Variants in PLPPR3 observed in about 807,000 individuals in gnomAD.
PLPPR3 encodes the protein phospholipid phosphatase-related protein type 3.
PLPPR3 carries 14 observed loss-of-function variants against 27.3 expected under a neutral mutation model. The ratio of observed to expected loss-of-function variants is 0.51; its 90% CI spans 0.34 to 0.80. The LOEUF (loss-of-function observed/expected upper bound fraction) is 0.80, where lower values mean the gene tolerates loss of function less well. PLPPR3 is among the 30% of genes least tolerant of loss of function. The pLI is 0.01. For synonymous variants in PLPPR3, 671 were observed against 508.0 expected, an observed-to-expected ratio of 1.32 and a Z score of -4.32; for missense variants, 1,287 against 1,056.9, an observed-to-expected ratio of 1.22 and a Z score of -3.02.
chr19:823,448 A>AAAAAAACAAC (rs1002529007), upstream of PLPPR3, among the ~76,000 whole-genome samples: 35 of 140,622 alleles, frequency 2.5e-4, no homozygotes, highest in Non-Finnish European at 4.7e-4. Context: ...TCTCAAAAAA[A>AAAAAAACAAC]AAAAAAAAAA....
intron 2 of PLPPR3, among the ~76,000 whole-genome samples, chr19:817,853 T>C (rs1399386732): frequency 2.0e-5 from 3 of 152,164 alleles, no homozygotes. Flanking sequence ...CCACCCACTT[T>C]AACCTGTGGG....
At chr19:817,315 G>A (rs750774707) in intron 2 of PLPPR3, among the ~76,000 whole-genome samples, 7 of 150,812 alleles carry the variant, frequency 4.6e-5, no homozygotes, top group Non-Finnish European at 7.4e-5. Context: ...ACTCTGTCAC[G>A]CAGCCTGGAG....
In PLPPR3 at chr19:821,549, G is replaced by C. The variant is rs972838386; in HGVS notation, c.11C>G (p.Thr4Ser). The C allele has an allele frequency of 1.3e-6, 2 of 1,496,936 alleles. No individual in the cohort carries two copies. Among genetic ancestry groups the C allele is most frequent in the South Asian group, 2.5e-5 (2 of 79,060 alleles). The allele number at this position is 1,496,936 out of a possible 1,614,324, so 92.7% of individuals were successfully genotyped here. Residue 4 changes from threonine (T) to serine (S), a missense_variant, in exon 2 of 8, where the codon ACC becomes AGC. Coordinates refer to ENST00000520876, the MANE Select transcript of PLPPR3 (RefSeq NM_001270366.2). MIS[T>S]KEKNKIPKDS... The stretch of plus-strand genomic sequence containing the variant: ...CTTCGGGATCTTGTTCTTCTCCTTG[G>C]TGGAGATCATGGTGCCGCGGGCGCC...
At position 813,477 on chromosome 19, in the gene PLPPR3, T is replaced by C; in HGVS notation, c.1250A>G (p.Glu417Gly). ...LISEWKQKSL[E>G]GRGLGLPDDA... is the part of the protein sequence containing the mutation. ...GTCGGGCAGCCCCAGGCCGCGGCCC[T>C]CCAGGCTCTTCTGCTTCCACTCGCT... The change falls in exon 8 of 8, where the codon GAG becomes GGG. Residue 417 changes from glutamate to glycine, a missense_variant. Glu to Gly is a moderately conservative substitution (Grantham distance 98). Transcript: ENST00000520876. The surrounding 1 kb of genome is among the most constrained non-coding windows in gnomAD (Gnocchi z 4.1). The C allele has an allele frequency of 6.5e-7, 1 of 1,542,244 alleles. No homozygotes were observed. Among genetic ancestry groups the C allele is most frequent in the South Asian group, 1.2e-5 (1 of 84,360 alleles).
chr19:814,381 C>A lies in PLPPR3; in HGVS notation c.831+53G>T. 13 of 1,515,848 alleles carry A rather than the reference C, an allele frequency of 8.6e-6. No homozygotes were observed. The South Asian group carries it at 1.5e-4, about 18-fold the overall frequency. The allele number at this position is 1,515,848 out of a possible 1,614,324, so 93.9% of individuals were successfully genotyped here. A position where few individuals can be genotyped will look rare whatever the true frequency, so the allele number is the denominator to read the frequency against. ...GGCCCTGTGGGCACTCATGCCTCCC[C>A]CCTCAGATCCCCTGGGAACCCATGC... On this transcript the variant is annotated intron_variant, in intron 7 of 7. Transcript: ENST00000520876.
At chr19:823,448 A>AAAAAAACAG (rs1002529007), upstream of PLPPR3, among the ~76,000 whole-genome samples, 3 of 140,622 alleles carry the variant, frequency 2.1e-5, no homozygotes, top group African/African-American at 9.0e-5. Context: ...TCTCAAAAAA[A>AAAAAAACAG]AAAAAAAAAA....
In PLPPR3 at chr19:814,103, G is replaced by A. The variant is rs185150217; in HGVS notation, c.832-208C>T. Reference sequence around the variant, plus strand: ...ATTCTGACTCCAGCATTCCAAGGGCGAGACACTTCAGCACCCATGCCTTCC... The same window carrying A: ...ATTCTGACTCCAGCATTCCAAGGGCAAGACACTTCAGCACCCATGCCTTCC... On this transcript the variant is annotated intron_variant, in intron 7 of 7. Coordinates refer to ENST00000520876, the MANE Select transcript of PLPPR3 (RefSeq NM_001270366.2). 2.2e-4 allele frequency among the ~76,000 whole-genome samples: 33 copies of A among 152,138 alleles called. No individual in the cohort carries two copies. In the South Asian group the frequency reaches 4.3e-3, roughly 20 times the overall value.
chr19:819,557 T>C (rs921977499), intron 2 of PLPPR3, among the ~76,000 whole-genome samples: 25 of 152,146 alleles, frequency 1.6e-4, no homozygotes, highest in Non-Finnish European at 7.3e-5. Context: ...CCCAAAGTGC[T>C]GGGATTATAG....
intron 5 of PLPPR3, 58 bp from the exon 6 acceptor site, chr19:814,807 T>C: frequency 1.9e-6 from 3 of 1,563,162 alleles, no homozygotes; most frequent in Non-Finnish European, 2.6e-6. Context: ...TCCAGTGGCC[T>C]CTCTGTGTCT....
Position 821,594 on chromosome 19 carries a change from G to C in PLPPR3, c.-26-9C>G. 2 of 1,448,732 alleles carry C rather than the reference G, an allele frequency of 1.4e-6. No homozygotes were observed. The highest frequency in any genetic ancestry group is 9.2e-7 in the Non-Finnish European group (1 of 1,087,698). 89.7% of individuals were successfully genotyped at this position (1,448,732 alleles called of 1,614,324 possible). On this transcript the variant is annotated splice_polypyrimidine_tract_variant and intron_variant, in intron 1 of 7. Transcript: ENST00000520876. ...GGCGCCGCAGGCCGTGGCTGGAGGG[G>C]AGAAAGCGGCGCTGGAGGGGGGCGC...
At chr19:818,787 C>A (rs189499129) in intron 2 of PLPPR3, among the ~76,000 whole-genome samples, 2 of 152,006 alleles carry the variant, frequency 1.3e-5, no homozygotes, top group Non-Finnish European at 2.9e-5. Context: ...CCCACCTAGG[C>A]CTTCCAAAGT....
rs1260458168 is a variant in PLPPR3, at chr19:815,869, G to A, written c.76-18C>T. 2.5e-6 allele frequency: 4 copies of A among 1,610,114 alleles called. No individual in the cohort carries two copies. Among genetic ancestry groups the A allele is most frequent in the East Asian group, 2.2e-5 (1 of 44,852 alleles). On this transcript the variant is annotated intron_variant, in intron 2 of 7. Coordinates refer to ENST00000520876, the MANE Select transcript of PLPPR3 (RefSeq NM_001270366.2). ...ATGGGCAGCTGTGGGGACAAGGTGGGCCAGGTTCACCCTGCTCTCCCTCGC... is the reference window on the plus strand; with the variant it reads ...ATGGGCAGCTGTGGGGACAAGGTGGACCAGGTTCACCCTGCTCTCCCTCGC...
Position 812,622 on chromosome 19 carries a change from G to A in PLPPR3, c.2105C>T (p.Ala702Val). The part of the protein sequence containing the change: ...GLGLAEREAE[A>V]EAEGYFRKMQ... ...CTTGCGGAAGTAGCCCTCGGCCTCC[G>A]CCTCCGCCTCGCGCTCCGCCAGCCC... The change falls in exon 8 of 8, where the codon GCG (alanine) becomes GTG (valine). Residue 702 changes from alanine (A) to valine (V), a missense_variant. Physicochemically the swap from Ala to Val is moderately conservative, Grantham distance 64 (BLOSUM62 0). Transcript: ENST00000520876. The A allele has an allele frequency of 5.4e-6, 6 of 1,102,292 alleles. No individual in the cohort carries two copies. The highest frequency in any genetic ancestry group is 2.1e-5 in the South Asian group (1 of 48,138). The allele number at this position is 1,102,292 out of a possible 1,614,324, so 68.3% of individuals were successfully genotyped here.
At chr19:817,368 G>T (rs1008562466) in intron 2 of PLPPR3, among the ~76,000 whole-genome samples, 1 of 152,226 alleles carries the variant, frequency 6.6e-6, no homozygotes, top group African/African-American at 2.4e-5. Context: ...CCGCCTCCAG[G>T]TTCAAGAGAT....
At chr19:815,949 C>A in intron 2 of PLPPR3, 98 bp from the exon 3 acceptor site, 2 of 1,271,704 alleles carry the variant, frequency 1.6e-6, no homozygotes, top group Non-Finnish European at 2.2e-6. Flanking sequence ...TCTCACTCAC[C>A]TATCCACAGA....
Position 818,543 on chromosome 19 carries a change from A to G in PLPPR3, c.76-2692T>C, listed in dbSNP as rs1046653592. 1.2e-4 allele frequency among the ~76,000 whole-genome samples: 18 copies of G among 151,606 alleles called. 1 individual carries two copies. ...CAGTAAGACCCTGTCTCTACTAAAT[A>G]CATACTTTTTTTTGGAGTCTCGCTC... On this transcript the variant is annotated intron_variant, in intron 2 of 7. Transcript: ENST00000520876.
intron 2 of PLPPR3, among the ~76,000 whole-genome samples, chr19:816,352 T>A (rs1392603800): frequency 3.1e-4 from 15 of 48,046 alleles, no homozygotes; most frequent in African/African-American, 2.7e-4. Context: ...CATCCATCCG[T>A]CCATTCATTA....
intron 2 of PLPPR3, among the ~76,000 whole-genome samples, chr19:820,966 A>C (rs1199883847): frequency 6.6e-6 from 1 of 152,242 alleles, no homozygotes; most frequent in Non-Finnish European, 1.5e-5. Flanking sequence ...AAGGGGTTCC[A>C]TTTATGGTCA....
rs1455876722 is a variant in PLPPR3 at position 818,959 on chromosome 19, T to TAC, written c.75+2525_75+2526insGT. On this transcript the variant is annotated intron_variant, in intron 2 of 7. Transcript: ENST00000520876. ...CAGGTGTGAGCCACTGCGCTCGGCC[T>TAC]TATTATTATTATTTTATTTATTATT... is the stretch of plus-strand genomic sequence containing the variant. Among the ~76,000 whole-genome samples, 34 of 88,306 alleles carry TAC rather than the reference T, an allele frequency of 3.9e-4. 6 individuals are homozygous for TAC. The highest frequency in any genetic ancestry group is 1.2e-3 in the East Asian group (4 of 3,402). The allele number at this position is 88,306 out of a possible 152,430, so 57.9% of individuals were successfully genotyped here. A position where few individuals can be genotyped will look rare whatever the true frequency, so the allele number is the denominator to read the frequency against.
Sources: gnomAD v4.1 joint callset for allele counts (sites outside exome capture counted in the v4.1 genomes callset) on GRCh38, gnomAD v4.1.1 for gene constraint, Gnocchi (gnomAD v3.1) non-coding constraint, MANE v1.5 for transcripts, NCBI Gene and HGNC (gene_info 2026-07-23, HGNC 2026-07-21) for gene names.